Variants in HIRA observed in about 807,000 individuals in gnomAD.
HIRA encodes the protein histone cell cycle regulator.
In HIRA, 13 loss-of-function variants were observed where a neutral mutation model predicts 126.6. The observed-to-expected ratio is 0.10, with a 90% CI of 0.07 to 0.16. The LOEUF (loss-of-function observed/expected upper bound fraction) is 0.16, where lower values mean the gene tolerates loss of function less well. HIRA is among the 10% of genes least tolerant of loss of function. The probability of loss-of-function intolerance (pLI) is 1.00; values close to 1 mark genes in which losing one functional copy is unlikely to be tolerated. For missense variants in HIRA, 834 were observed against 1,314.4 expected (o/e 0.63, Z 5.65); for synonymous variants, 511 against 520.0 (o/e 0.98, Z 0.24).
intron 24 of HIRA, among the ~76,000 whole-genome samples, chr22:19,339,851 A>G (rs1306412884): frequency 1.3e-5 from 2 of 152,190 alleles, no homozygotes; most frequent in Admixed American, 6.5e-5. Flanking sequence ...CAGACCAATA[A>G]TAAGTAGCAA....
intron 13 of HIRA, among the ~76,000 whole-genome samples, chr22:19,378,626 T>C (rs2089041479): frequency 6.6e-6 from 1 of 152,244 alleles, no homozygotes; most frequent in African/African-American, 2.4e-5. Context: ...CTAACTACTC[T>C]TGTGCCTCCA....
At chr22:19,383,800 A>G in intron 12 of HIRA, 95 bp from the exon 13 acceptor site, 1 of 898,686 alleles carries the variant, frequency 1.1e-6, no homozygotes, top group Non-Finnish European at 1.8e-6. Context: ...TGGTGATAAG[A>G]ACACTAAGCA....
chr22:19,353,963 A>G, intron 22 of HIRA, 33 bp downstream of exon 22: 1 of 1,609,478 alleles, frequency 6.2e-7, no homozygotes, highest in South Asian at 1.1e-5. Context: ...GGGCAGGACT[A>G]AGGACAGTGG....
intron 24 of HIRA, among the ~76,000 whole-genome samples, chr22:19,347,672 C>T (rs2088701683): frequency 6.6e-6 from 1 of 151,998 alleles, no homozygotes; most frequent in African/African-American, 2.4e-5. Context: ...GGAGCGGTGG[C>T]TCATGTCTAT....
chr22:19,348,539 G>A (rs2088714732), intron 24 of HIRA, among the ~76,000 whole-genome samples: 1 of 151,328 alleles, frequency 6.6e-6, no homozygotes, highest in Admixed American at 6.6e-5. Context: ...CCTGTCGCCT[G>A]GGCTGGTGTG....
intron 24 of HIRA, among the ~76,000 whole-genome samples, chr22:19,349,009 C>G (rs1556009931): frequency 1.3e-5 from 2 of 151,710 alleles, no homozygotes; most frequent in African/African-American, 4.9e-5. Context: ...GTCTCAAACT[C>G]CTGACCTCAG....
intron 6 of HIRA, 77 bp from the exon 7 acceptor site, chr22:19,397,024 T>C: frequency 7.2e-7 from 1 of 1,385,848 alleles, no homozygotes; most frequent in Non-Finnish European, 1.0e-6. Flanking sequence ...ATGGGATGGA[T>C]ATGCAAGAGA....
intron 5 of HIRA, among the ~76,000 whole-genome samples, chr22:19,399,922 T>A (rs1362013232): frequency 2.0e-5 from 3 of 152,188 alleles, no homozygotes; most frequent in Non-Finnish European, 1.5e-5. Context: ...ATGCAGTGCC[T>A]ACAAAAATGA....
intron 24 of HIRA, among the ~76,000 whole-genome samples, chr22:19,346,351 T>A (rs919649097): frequency 5.3e-5 from 8 of 152,126 alleles, no homozygotes; most frequent in Admixed American, 3.3e-4. Context: ...AATAAACACA[T>A]AAATAAAATA....
rs957813540 is a variant in HIRA at position 19,374,206 on chromosome 22, C to T, written c.1775+1425G>A. ...AAAATTAGCCAGGTGTTGTGGCAGG[C>T]GCCAGTAATCCCAGCTACTTGGGAG... On this transcript the variant is annotated intron_variant, in intron 15 of 24. Coordinates refer to ENST00000263208, the MANE Select transcript of HIRA (RefSeq NM_003325.4). Among the ~76,000 whole-genome samples, 6 of 151,950 alleles carry T rather than the reference C, an allele frequency of 3.9e-5. No individual in the cohort carries two copies. In the East Asian group the frequency reaches 7.7e-4, roughly 20 times the overall value.
intron 24 of HIRA, among the ~76,000 whole-genome samples, chr22:19,346,735 C>T (rs142325693): frequency 0.019 from 2,861 of 152,300 alleles, 48 homozygotes; most frequent in Non-Finnish European, 0.031. Context: ...TTCTCCTGTT[C>T]TCTCTCCTTC....
At chr22:19,366,396 G>T (rs1435408392) in intron 15 of HIRA, among the ~76,000 whole-genome samples, 2 of 152,164 alleles carry the variant, frequency 1.3e-5, no homozygotes. Flanking sequence ...AGCTATATCA[G>T]ATTCCTCTGG....
intron 11 of HIRA, among the ~76,000 whole-genome samples, chr22:19,386,383 T>C (rs370211512): frequency 2.0e-5 from 3 of 152,230 alleles, no homozygotes; most frequent in Non-Finnish European, 4.4e-5. Flanking sequence ...CTGTAGTGAC[T>C]GCTGTACATG....
At chr22:19,388,418 G>A (rs2089147487) in intron 10 of HIRA, 66 bp downstream of exon 10, 1 of 1,261,860 alleles carries the variant, frequency 7.9e-7, no homozygotes, top group Non-Finnish European at 1.2e-6. Context: ...ACACCCAGAA[G>A]GCCTCATGTT....
At chr22:19,356,097 TA>T in intron 20 of HIRA, 132 bp downstream of exon 20, 1 of 854,732 alleles carries the variant, frequency 1.2e-6, no homozygotes, top group Non-Finnish European at 1.9e-6. Flanking sequence ...TCCTGCAGCG[TA>T]ACCACACCTC....
At chr22:19,384,444 C>T (rs183975346) in intron 12 of HIRA, among the ~76,000 whole-genome samples, 4 of 151,716 alleles carry the variant, frequency 2.6e-5, no homozygotes, top group East Asian at 3.9e-4. Flanking sequence ...TACTTCAACA[C>T]GGTAGGTTTA....
intron 7 of HIRA, among the ~76,000 whole-genome samples, chr22:19,395,707 G>T (rs1378978098): frequency 1.3e-5 from 2 of 152,014 alleles, no homozygotes; most frequent in Admixed American, 6.6e-5. Flanking sequence ...ACCTCTCCTG[G>T]GCTGTTTCTG....
intron 5 of HIRA, chr22:19,405,386 T>C (rs1367957661): frequency 1.1e-5 from 6 of 541,022 alleles, no homozygotes; most frequent in Admixed American, 6.4e-5. Context: ...ACTGCAAACA[T>C]ACTCAAGGTC....
At chr22:19,356,790 G>C in intron 19 of HIRA, 100 bp downstream of exon 19, 1 of 1,233,256 alleles carries the variant, frequency 8.1e-7, no homozygotes, top group East Asian at 2.4e-5. Flanking sequence ...CTGATGGCCA[G>C]CCTTGTCCAC....
Sources: gnomAD v4.1 joint callset for allele counts (sites outside exome capture counted in the v4.1 genomes callset) on GRCh38, gnomAD v4.1.1 for gene constraint, MANE v1.5 for transcripts, NCBI Gene and HGNC (gene_info 2026-07-23, HGNC 2026-07-21) for gene names.